The following SLC1A1 variants were observed in gnomAD, a reference collection of about 807,000 sequenced individuals.
SLC1A1 encodes the protein excitatory amino acid transporter 3.
In SLC1A1, 43 loss-of-function variants were observed where a neutral mutation model predicts 53.3. The observed-to-expected ratio is 0.81, with a 90% confidence interval of 0.63 to 1.04. The LOEUF is 1.04. Ranked by LOEUF, SLC1A1 falls within the 50% of genes least tolerant of loss-of-function variation. SLC1A1 has a pLI of 0.00. For synonymous variants in SLC1A1, 307 were observed against 243.2 expected (o/e 1.26, Z -2.44); for missense variants, 748 against 664.9 (o/e 1.12, Z -1.37).
At chr9:4,571,420 A>T (rs1820033656) in intron 6 of SLC1A1, among the ~76,000 whole-genome samples, 1 of 152,212 alleles carries the variant, frequency 6.6e-6, no homozygotes, top group Admixed American at 6.5e-5. Flanking sequence ...TCACACCTGT[A>T]ATCCCAGCAC....
intron 1 of SLC1A1, among the ~76,000 whole-genome samples, chr9:4,498,289 A>G (rs973524028): frequency 6.6e-6 from 1 of 152,180 alleles, no homozygotes; most frequent in African/African-American, 2.4e-5. Flanking sequence ...TAAATTGTAT[A>G]TGGGGCTATT....
At chr9:4,553,685 G>A (rs1818133057) in intron 2 of SLC1A1, 1 of 152,208 alleles carries the variant, frequency 6.6e-6, no homozygotes. Flanking sequence ...GCTTCTTGAT[G>A]CATGTTTTGA....
chr9:4,531,820 T>C (rs1284651046), intron 1 of SLC1A1, among the ~76,000 whole-genome samples: 1 of 152,194 alleles, frequency 6.6e-6, no homozygotes, highest in Admixed American at 6.5e-5. Flanking sequence ...AGGGGCAGAC[T>C]GACACCTCAC....
intron 1 of SLC1A1, 69 bp from the exon 2 acceptor site, chr9:4,544,498 C>A: frequency 2.9e-6 from 4 of 1,402,834 alleles, no homozygotes; most frequent in Non-Finnish European, 4.0e-6. Context: ...GAGTATTTTT[C>A]CATAGACATA....
chr9:4,537,088 A>G (rs1172678219), intron 1 of SLC1A1, among the ~76,000 whole-genome samples: 2 of 152,146 alleles, frequency 1.3e-5, no homozygotes, highest in Non-Finnish European at 2.9e-5. Flanking sequence ...GATATACCTA[A>G]TGTTAAATGA....
chr9:4,566,068 T>A lies in SLC1A1; in HGVS notation c.462T>A (p.Leu154=). 1 of 1,613,560 alleles carries A rather than the reference T, an allele frequency of 6.2e-7. No individual in the cohort carries two copies. The highest frequency in any genetic ancestry group is 1.1e-5 in the South Asian group (1 of 91,074). ...DLIRNMFPEN[L]VQACFQQYKT... is the part of the protein sequence containing the mutation. ...ACAGGAATATGTTCCCTGAGAATCT[T>A]GTCCAGGCCTGTTTTCAGCAGGTAA... The change falls in exon 5 of 12, where the codon CTT becomes CTA. Residue 154 remains leucine, a synonymous_variant. Transcript: ENST00000262352.
chr9:4,582,367 T>C (rs1410934518), intron 10 of SLC1A1, among the ~76,000 whole-genome samples: 4 of 152,210 alleles, frequency 2.6e-5, no homozygotes, highest in Non-Finnish European at 4.4e-5. Context: ...TAAATGCTTG[T>C]ACCTTGGACA....
chr9:4,516,275 C>A (rs1821158402), intron 1 of SLC1A1, among the ~76,000 whole-genome samples: 1 of 152,158 alleles, frequency 6.6e-6, no homozygotes, highest in Admixed American at 6.5e-5. Flanking sequence ...ACACAATACA[C>A]CCCAGCTGGC....
chr9:4,572,223 A>G lies in SLC1A1; in HGVS notation c.602A>G (p.Lys201Arg). Residue 201 changes from lysine (K) to arginine (R), a missense_variant, in exon 7 of 12, where the codon AAA (lysine) becomes AGA (arginine). Transcript: ENST00000262352. ...CCACAGAACAAAACAAAGGAATACA[A>G]AATTGTTGGCATGTATTCAGATGGC... ...AISKNKTKEY[K>R]IVGMYSDGIN... 1 of 1,613,426 alleles carries G rather than the reference A, an allele frequency of 6.2e-7. No individual in the cohort carries two copies. The highest frequency in any genetic ancestry group is 8.5e-7 in the Non-Finnish European group (1 of 1,179,336).
intron 1 of SLC1A1, 130 bp from the exon 2 acceptor site, chr9:4,544,437 T>C: frequency 2.5e-6 from 2 of 803,436 alleles, no homozygotes; most frequent in East Asian, 4.9e-5. Flanking sequence ...TTTTACAGAC[T>C]CATGGGAAAT....
At chr9:4,550,779 A>G (rs547947110) in intron 2 of SLC1A1, among the ~76,000 whole-genome samples, 1 of 152,348 alleles carries the variant, frequency 6.6e-6, no homozygotes, top group Non-Finnish European at 1.5e-5. Context: ...TGTAGAATGC[A>G]TATGTGAGTT....
chr9:4,537,711 C>T (rs1816730958), intron 1 of SLC1A1, among the ~76,000 whole-genome samples: 3 of 151,228 alleles, frequency 2.0e-5, no homozygotes, highest in Admixed American at 2.0e-4. Flanking sequence ...TAGGAAATGC[C>T]AGATTAGGCA....
intron 1 of SLC1A1, among the ~76,000 whole-genome samples, chr9:4,515,409 CG>C (rs1821129199): frequency 6.6e-6 from 1 of 152,142 alleles, no homozygotes; most frequent in South Asian, 2.1e-4. Context: ...AGGATAGATA[CG>C]TTTATTTTTC....
intron 1 of SLC1A1, among the ~76,000 whole-genome samples, chr9:4,509,775 T>C (rs1820935443): frequency 6.6e-6 from 1 of 151,892 alleles, no homozygotes; most frequent in Admixed American, 6.6e-5. Context: ...TGCTGAAAGG[T>C]TTTCTCGGGA....
At chr9:4,544,206 C>A (rs1047497642) in intron 1 of SLC1A1, among the ~76,000 whole-genome samples, 1 of 151,998 alleles carries the variant, frequency 6.6e-6, no homozygotes, top group African/African-American at 2.4e-5. Flanking sequence ...TAAAATATCT[C>A]TGCAGGTAGA....
chr9:4,507,558 A>G (rs1381104319), intron 1 of SLC1A1, among the ~76,000 whole-genome samples: 1 of 152,144 alleles, frequency 6.6e-6, no homozygotes, highest in Non-Finnish European at 1.5e-5. Context: ...GAAAGTTACA[A>G]CTCCACAAAT....
chr9:4,549,724 C>T lies in SLC1A1; in HGVS notation c.232+5017C>T, dbSNP rs917684931. Among the ~76,000 whole-genome samples the T allele has an allele frequency of 2.0e-5, 3 of 152,190 alleles. No homozygotes were observed. Among genetic ancestry groups the T allele is most frequent in the South Asian group, 2.1e-4 (1 of 4,826 alleles). Reference sequence around the variant, plus strand: ...ACTTCAGAGAAAACCCCCCTCACGGCCACAGGGGGATAGCCTTTCCTCGTG... The same window carrying T: ...ACTTCAGAGAAAACCCCCCTCACGGTCACAGGGGGATAGCCTTTCCTCGTG... On this transcript the variant is annotated intron_variant, in intron 2 of 11. Coordinates refer to ENST00000262352, the MANE Select transcript of SLC1A1 (RefSeq NM_004170.6). This position sits in a 1 kb window ranked among gnomAD's most constrained non-coding sequence, Gnocchi z 4.1.
chr9:4,550,793 T>C (rs1267598698), intron 2 of SLC1A1, among the ~76,000 whole-genome samples: 1 of 152,196 alleles, frequency 6.6e-6, no homozygotes, highest in Non-Finnish European at 1.5e-5. Context: ...GTGAGTTGGT[T>C]GCCTTTCAAG....
intron 1 of SLC1A1, among the ~76,000 whole-genome samples, chr9:4,535,479 T>C (rs1243166724): frequency 6.6e-6 from 1 of 152,048 alleles, no homozygotes; most frequent in Non-Finnish European, 1.5e-5. Context: ...GAGAATAAAA[T>C]ACCTAGAAAT....
Sources: gnomAD v4.1 joint callset for allele counts (sites outside exome capture counted in the v4.1 genomes callset) on GRCh38, gnomAD v4.1.1 for gene constraint, Gnocchi (gnomAD v3.1) non-coding constraint, MANE v1.5 for transcripts, NCBI Gene and HGNC (gene_info 2026-07-23, HGNC 2026-07-21) for gene names.